The following SUGCT variants were observed in gnomAD, a reference collection of about 807,000 sequenced individuals.
The protein encoded by SUGCT is succinyl-CoA:glutarate CoA-transferase.
Under a neutral mutation model 55.0 loss-of-function variants are expected in SUGCT, and 41 were observed. That is an observed-to-expected ratio of 0.74 (90% CI 0.58 to 0.97). The LOEUF is 0.97. Ranked by LOEUF, SUGCT falls within the 50% of genes least tolerant of loss-of-function variation. The probability of loss-of-function intolerance (pLI) is 0.00; values close to 1 mark genes in which losing one functional copy is unlikely to be tolerated. For synonymous variants in SUGCT, 187 were observed against 200.4 expected, an observed-to-expected ratio of 0.93 and a Z score of 0.56; for missense variants, 568 against 547.8, an observed-to-expected ratio of 1.04 and a Z score of -0.37.
intron 12 of SUGCT, among the ~76,000 whole-genome samples, chr7:40,516,873 G>A (rs751758284): frequency 4.6e-5 from 7 of 151,820 alleles, no homozygotes; most frequent in Non-Finnish European, 8.8e-5. Flanking sequence ...GAATCCAGCT[G>A]GGATTTTGTT....
At chr7:40,957,368 A>G in the SUGCT span, among the ~76,000 whole-genome samples, 1 of 147,828 alleles carries the variant, frequency 6.8e-6, no homozygotes, top group Non-Finnish European at 1.5e-5. Context: ...CTTTACTATT[A>G]TGTAATGGCC....
chr7:40,508,321 C>T (rs1288369516), intron 12 of SUGCT, among the ~76,000 whole-genome samples: 2 of 152,090 alleles, frequency 1.3e-5, no homozygotes, highest in Non-Finnish European at 2.9e-5. Context: ...GAGCTTCCAC[C>T]CTATGTGTGG....
intron 12 of SUGCT, among the ~76,000 whole-genome samples, chr7:40,668,500 C>A (rs1332845812): frequency 6.6e-6 from 1 of 152,100 alleles, no homozygotes; most frequent in Non-Finnish European, 1.5e-5. Context: ...GACTTCTGCT[C>A]CCAGAAAAGC....
chr7:40,634,074 A>T (rs1450953141), intron 12 of SUGCT, among the ~76,000 whole-genome samples: 1 of 152,174 alleles, frequency 6.6e-6, no homozygotes, highest in East Asian at 1.9e-4. Flanking sequence ...TGGCAGAGTG[A>T]GTACACGTGG....
At chr7:40,641,928 C>T (rs1053957378) in intron 12 of SUGCT, among the ~76,000 whole-genome samples, 3 of 152,192 alleles carry the variant, frequency 2.0e-5, no homozygotes, top group African/African-American at 7.2e-5. Context: ...AGGGGAGGCA[C>T]TCTTTCATCT....
the SUGCT span, among the ~76,000 whole-genome samples, chr7:41,033,719 G>A: frequency 4.6e-5 from 7 of 152,086 alleles, no homozygotes; most frequent in African/African-American, 1.7e-4. Context: ...GCAGAGCCCA[G>A]GAACTTGAAT....
rs1423183669 is a variant in SUGCT, at chr7:40,377,391, A to G, written c.816+60536A>G. ...CTGGGTAGCTGGGATGACAGGCGTG[A>G]GCCACCACACCCAGCTAATTTTTGT... On this transcript the variant is annotated intron_variant, in intron 9 of 13. Transcript: ENST00000335693. Among the ~76,000 whole-genome samples, 4 of 150,476 alleles carry G rather than the reference A, an allele frequency of 2.7e-5. No individual in the cohort carries two copies. The East Asian group carries it at 7.9e-4, about 30-fold the overall frequency.
chr7:40,694,584 C>T lies in SUGCT; in HGVS notation c.1090-54850C>T, dbSNP rs990779975. 2.0e-5 allele frequency among the ~76,000 whole-genome samples: 3 copies of T among 152,114 alleles called. 1 individual carries two copies. Among genetic ancestry groups the T allele is most frequent in the Non-Finnish European group, 4.4e-5 (3 of 68,032 alleles). ...TTATCTCTCTTCCACCTAACTTATC[C>T]CAGATTTTGTGGGGATTGTCTGAAA... On this transcript the variant is annotated intron_variant, in intron 12 of 13. Coordinates refer to ENST00000335693, the MANE Select transcript of SUGCT (RefSeq NM_001193313.2).
intron 13 of SUGCT, among the ~76,000 whole-genome samples, chr7:40,836,405 A>G (rs1792977513): frequency 6.6e-6 from 1 of 152,226 alleles, no homozygotes; most frequent in South Asian, 2.1e-4. Flanking sequence ...TATATCAGAC[A>G]GGAAACTGTC....
chr7:40,741,663 C>T (rs1431273599), intron 12 of SUGCT, among the ~76,000 whole-genome samples: 1 of 152,084 alleles, frequency 6.6e-6, no homozygotes, highest in Non-Finnish European at 1.5e-5. Context: ...GCATTGTTTG[C>T]CATGGTAAAA....
chr7:40,496,355 A>G lies in SUGCT; in HGVS notation c.1058A>G (p.Asn353Ser). The change falls in exon 12 of 14, where the codon AAC (asparagine) becomes AGC (serine). Residue 353 changes from asparagine (N) to serine (S), a missense_variant. By Grantham distance (46) the Asn-to-Ser change is conservative. Coordinates refer to ENST00000335693, the MANE Select transcript of SUGCT (RefSeq NM_001193313.2). Reference sequence around the variant, plus strand: ...AGTGGAGTCCCGTATGGCCCAATCAACAACATGAAGAATGTATTTGCAGAA... The same window carrying G: ...AGTGGAGTCCCGTATGGCCCAATCAGCAACATGAAGAATGTATTTGCAGAA... ...EGSGVPYGPI[N>S]NMKNVFAEPQ... 3.1e-6 allele frequency: 5 copies of G among 1,613,034 alleles called. No individual in the cohort carries two copies. The highest frequency in any genetic ancestry group is 1.1e-5 in the South Asian group (1 of 90,864).
At chr7:40,627,882 A>G (rs1328821126) in intron 12 of SUGCT, among the ~76,000 whole-genome samples, 1 of 152,134 alleles carries the variant, frequency 6.6e-6, no homozygotes, top group African/African-American at 2.4e-5. Flanking sequence ...GGCTCTCTAA[A>G]TGTGTCTGGC....
intron 13 of SUGCT, among the ~76,000 whole-genome samples, chr7:40,792,395 T>A (rs1464370229): frequency 6.6e-6 from 1 of 152,134 alleles, no homozygotes; most frequent in Non-Finnish European, 1.5e-5. Context: ...GCTCACAGGG[T>A]TATTGTCAAA....
intron 6 of SUGCT, among the ~76,000 whole-genome samples, chr7:40,230,484 T>TCC (rs1180948569): frequency 2.0e-5 from 3 of 152,170 alleles, no homozygotes; most frequent in Non-Finnish European, 4.4e-5. Context: ...TGTAGCCACA[T>TCC]GAAGAATAAA....
intron 9 of SUGCT, among the ~76,000 whole-genome samples, chr7:40,401,491 G>A (rs1223461213): frequency 6.6e-6 from 1 of 152,108 alleles, no homozygotes; most frequent in African/African-American, 2.4e-5. Context: ...ATTTATTTAC[G>A]TAGGCAAGAC....
At chr7:40,453,611 C>T (rs1320433065) in intron 10 of SUGCT, among the ~76,000 whole-genome samples, 2 of 152,172 alleles carry the variant, frequency 1.3e-5, no homozygotes, top group African/African-American at 4.8e-5. Flanking sequence ...AAACCTTAAT[C>T]AAAATGAGAA....
the SUGCT span, among the ~76,000 whole-genome samples, chr7:40,949,082 G>A: frequency 1.3e-5 from 2 of 152,182 alleles, no homozygotes; most frequent in African/African-American, 4.8e-5. Context: ...CAGTGTAAAA[G>A]CATTCCTAGT....
intron 13 of SUGCT, among the ~76,000 whole-genome samples, chr7:40,824,213 A>C (rs1003698192): frequency 2.0e-5 from 3 of 152,066 alleles, no homozygotes; most frequent in Admixed American, 6.6e-5. Context: ...TTGCTCAAAA[A>C]AAAAAACAAA....
intron 12 of SUGCT, among the ~76,000 whole-genome samples, chr7:40,512,961 C>G (rs1319558539): frequency 6.6e-6 from 1 of 152,120 alleles, no homozygotes; most frequent in African/African-American, 2.4e-5. Flanking sequence ...CAGATAGACT[C>G]ATACCAGCAG....
Sources: allele counts gnomAD v4.1 joint callset (sites outside exome capture counted in the v4.1 genomes callset), GRCh38; gene constraint gnomAD v4.1.1; transcripts MANE v1.5; gene names NCBI Gene and HGNC (gene_info 2026-07-23, HGNC 2026-07-21).